Variants in RELL1 observed in about 807,000 individuals in gnomAD.
RELL1 encodes the protein RELT like 1.
Under a neutral mutation model 23.0 loss-of-function variants are expected in RELL1, and 10 were observed. That is an observed-to-expected ratio of 0.43 (90% CI 0.27 to 0.74). RELL1 has a LOEUF of 0.74. Among genes scored for constraint, RELL1 ranks in the 30% least tolerant of loss-of-function variants. The pLI is 0.19. For synonymous variants in RELL1, 146 were observed against 146.8 expected (o/e 0.99, Z 0.04); for missense variants, 315 against 364.4 (o/e 0.86, Z 1.10).
downstream of RELL1, among the ~76,000 whole-genome samples, chr4:37,605,824 AAAGAAAGAAAGAAAGAAAGAAG>A (rs1202924017): frequency 3.5e-3 from 435 of 123,266 alleles, 6 homozygotes; most frequent in African/African-American, 9.7e-3. Flanking sequence ...AGAAAGAAAG[AAAGAAAGAAAGAAAGAAAGAAG>A]GAAAAGAAAA....
At chr4:37,672,823 C>A (rs1328003840) in intron 1 of RELL1, among the ~76,000 whole-genome samples, 3 of 152,168 alleles carry the variant, frequency 2.0e-5, no homozygotes, top group Non-Finnish European at 2.9e-5. Context: ...CTTAGCCAAG[C>A]AGGATTTACA....
At chr4:37,680,868 C>A (rs1251384483) in intron 1 of RELL1, among the ~76,000 whole-genome samples, 7 of 145,532 alleles carry the variant, frequency 4.8e-5, no homozygotes, top group Non-Finnish European at 1.0e-4. Flanking sequence ...GGAGGCGGAG[C>A]TTGCAGTGAG....
At chr4:37,680,699 C>T (rs924046502) in intron 1 of RELL1, among the ~76,000 whole-genome samples, 18 of 152,008 alleles carry the variant, frequency 1.2e-4, no homozygotes, top group Admixed American at 9.8e-4. Flanking sequence ...GAGGCCGAGG[C>T]GGGCGGATCA....
intron 1 of RELL1, among the ~76,000 whole-genome samples, chr4:37,660,841 C>A (rs992162115): frequency 1.3e-5 from 2 of 152,102 alleles, no homozygotes; most frequent in African/African-American, 2.4e-5. Flanking sequence ...ACCATCCTGG[C>A]TAACACGGTG....
At chr4:37,604,582 A>G (rs997748023) in intron 6 of RELL1, among the ~76,000 whole-genome samples, 1 of 152,066 alleles carries the variant, frequency 6.6e-6, no homozygotes, top group African/African-American at 2.4e-5. Flanking sequence ...TGCTGTCTAT[A>G]CATTTTAAAA....
chr4:37,677,052 T>A (rs1209305862), intron 1 of RELL1, among the ~76,000 whole-genome samples: 2 of 152,220 alleles, frequency 1.3e-5, no homozygotes, highest in African/African-American at 4.8e-5. Context: ...AGGGTGTTAA[T>A]TACAAGATGA....
At chr4:37,674,446 C>T (rs1395393105) in intron 1 of RELL1, among the ~76,000 whole-genome samples, 1 of 152,210 alleles carries the variant, frequency 6.6e-6, no homozygotes, top group East Asian at 1.9e-4. Flanking sequence ...TAAACAATAT[C>T]CAATGCTTCC....
intron 4 of RELL1, among the ~76,000 whole-genome samples, chr4:37,636,679 A>G (rs1433584628): frequency 1.3e-5 from 2 of 152,094 alleles, no homozygotes; most frequent in Non-Finnish European, 2.9e-5. Flanking sequence ...GCCCAGCAGA[A>G]AAGGAGGAAT....
rs1361094219 is a variant in RELL1 at position 37,634,979 on chromosome 4, C to T, written c.588G>A (p.Arg196=). 6.2e-7 allele frequency: 1 copy of T among 1,614,082 alleles called. No homozygotes were observed. The highest frequency in any genetic ancestry group is 1.7e-5 in the Admixed American group (1 of 60,014). Residue 196 remains arginine, a synonymous_variant, in exon 5 of 7, where the codon AGG becomes AGA. Coordinates refer to ENST00000454158, the MANE Select transcript of RELL1 (RefSeq NM_001085400.2). ...VVERDVCHRC[R]HKRWHFIKPT... ...GCTTTATAAAGTGCCACCGCTTGTGCCTACACCGATGACACACATCCCTCT... is the reference window on the plus strand; with the variant it reads ...GCTTTATAAAGTGCCACCGCTTGTGTCTACACCGATGACACACATCCCTCT...
chr4:37,588,038 A>G (rs1429073109), downstream of RELL1: 1 of 152,256 alleles, frequency 6.6e-6, no homozygotes, highest in Non-Finnish European at 1.5e-5. Context: ...AGATGCTTCC[A>G]TACTCATTTT....
chr4:37,684,322 T>G (rs1288358253), intron 1 of RELL1, among the ~76,000 whole-genome samples: 1 of 151,434 alleles, frequency 6.6e-6, no homozygotes, highest in Non-Finnish European at 1.5e-5. Flanking sequence ...TTTAGACACC[T>G]GTTTCTTCTT....
intron 1 of RELL1, among the ~76,000 whole-genome samples, chr4:37,652,408 T>C (rs1194095603): frequency 6.6e-6 from 1 of 152,240 alleles, no homozygotes; most frequent in East Asian, 1.9e-4. Flanking sequence ...TTTAACCTCA[T>C]GCCTTATTTT....
chr4:37,631,529 G>C lies in RELL1; in HGVS notation c.681-6C>G, dbSNP rs374120117. On this transcript the variant is annotated splice_region_variant and splice_polypyrimidine_tract_variant and intron_variant, in intron 5 of 6. Transcript: ENST00000454158. The stretch of plus-strand genomic sequence containing the variant: ...CCACTTTTGTAACTCTAAATCTGAG[G>C]GGGGAATGGGGAGAGGTGATGGGGT... 19 of 1,613,274 alleles carry C rather than the reference G, an allele frequency of 1.2e-5. No homozygotes were observed. The highest frequency in any genetic ancestry group is 1.4e-5 in the Non-Finnish European group (17 of 1,179,758).
chr4:37,669,425 C>G (rs1359832114), intron 1 of RELL1, among the ~76,000 whole-genome samples: 3 of 149,648 alleles, frequency 2.0e-5, no homozygotes, highest in African/African-American at 4.9e-5. Context: ...GTCAGCCCCC[C>G]ACCCGGCCAG....
At position 37,598,284 on chromosome 4, in the gene RELL1, A is replaced by G. The variant is rs77916320; in HGVS notation, c.*4-7067T>C. On this transcript the variant is annotated intron_variant, in intron 6 of 6. Coordinates refer to the RELL1 transcript ENST00000314117. Reference sequence around the variant, plus strand: ...AAAAAAAAAAAAAAAAAAAAAAAAAAGTTTATAGGAAGAAAATATATAGAG... The same window carrying G: ...AAAAAAAAAAAAAAAAAAAAAAAAAGGTTTATAGGAAGAAAATATATAGAG... 5.3e-3 allele frequency among the ~76,000 whole-genome samples: 624 copies of G among 117,200 alleles called. 23 individuals carry two copies. The highest frequency in any genetic ancestry group is 0.023 in the East Asian group (75 of 3,198). 76.9% of individuals were successfully genotyped at this position (117,200 alleles called of 152,430 possible).
chr4:37,665,512 G>A (rs896164575), intron 1 of RELL1: 29 of 342,582 alleles, frequency 8.5e-5, no homozygotes, highest in East Asian at 7.6e-4. Context: ...CGCTAAATCC[G>A]AGCTTACACA....
chr4:37,671,813 G>A (rs1037992587), intron 1 of RELL1, among the ~76,000 whole-genome samples: 5 of 152,146 alleles, frequency 3.3e-5, no homozygotes, highest in Non-Finnish European at 5.9e-5. Context: ...GGATTTGCCC[G>A]GAAGTCTTCC....
At chr4:37,666,859 CCAATTAGTCACAGGTTAGGTCGGG>C (rs1417478155) in intron 1 of RELL1, among the ~76,000 whole-genome samples, 1 of 152,152 alleles carries the variant, frequency 6.6e-6, no homozygotes, top group Non-Finnish European at 1.5e-5. Context: ...GAAGGGTTTT[CCAATTAGTCACAGGTTAGGTCGGG>C]CAATGTTCCT....
At chr4:37,625,232 G>C (rs1484824023) in intron 6 of RELL1, among the ~76,000 whole-genome samples, 1 of 152,072 alleles carries the variant, frequency 6.6e-6, no homozygotes. Flanking sequence ...TTTTTGTTTT[G>C]ATAAAAGAAA....
Sources: allele counts gnomAD v4.1 joint callset (sites outside exome capture counted in the v4.1 genomes callset), GRCh38; gene constraint gnomAD v4.1.1; transcripts MANE v1.5; gene names NCBI Gene and HGNC (gene_info 2026-07-23, HGNC 2026-07-21).